Variants in NTRK2 observed in about 807,000 individuals in gnomAD.
NTRK2 encodes the protein BDNF/NT-3 growth factors receptor.
In NTRK2, 13 loss-of-function variants were observed where a neutral mutation model predicts 94.5. That is an observed-to-expected ratio of 0.14 (90% CI 0.09 to 0.22). The LOEUF (loss-of-function observed/expected upper bound fraction) is 0.22, where lower values mean the gene tolerates loss of function less well. Among genes scored for constraint, NTRK2 ranks in the 10% least tolerant of loss-of-function variants. The pLI is 1.00. For missense variants in NTRK2, 639 were observed against 1,071.2 expected (o/e 0.60, Z 5.63); for synonymous variants, 372 against 407.4 (o/e 0.91, Z 1.05).
intron 12 of NTRK2, among the ~76,000 whole-genome samples, chr9:84,841,806 G>A (rs2074202879): frequency 6.6e-6 from 1 of 152,156 alleles, no homozygotes; most frequent in Non-Finnish European, 1.5e-5. Context: ...TACATTCACG[G>A]CAGAAATTTT....
intron 12 of NTRK2, chr9:84,812,912 A>G: frequency 9.7e-7 from 1 of 1,033,384 alleles, no homozygotes; most frequent in Non-Finnish European, 1.2e-6. Flanking sequence ...TGAAAACAGC[A>G]GGCTATTAGA....
rs2077765900 is a variant in NTRK2, at chr9:84,926,117, CCTTCCTTCCT to C, written c.1634-8044_1634-8035del. 1.4e-4 allele frequency among the ~76,000 whole-genome samples: 6 copies of C among 41,648 alleles called. No individual in the cohort carries two copies. The South Asian group carries it at 4.9e-3, about 34-fold the overall frequency. The allele number at this position is 41,648 out of a possible 152,430, so 27.3% of individuals were successfully genotyped here. On this transcript the variant is annotated intron_variant, in intron 14 of 18. Coordinates refer to ENST00000277120, the MANE Select transcript of NTRK2 (RefSeq NM_006180.6). Reference sequence around the variant, plus strand: ...CCTTCCTTCCTTCCTTTCCTTCCTTCCTTCCTTCCTTCCTTCCTTCCTTCCTTCCTTCCTT... The same window carrying C: ...CCTTCCTTCCTTCCTTTCCTTCCTTCTCCTTCCTTCCTTCCTTCCTTCCTT...
At chr9:84,776,301 A>C (rs2067038459) in intron 12 of NTRK2, among the ~76,000 whole-genome samples, 1 of 152,162 alleles carries the variant, frequency 6.6e-6, no homozygotes, top group South Asian at 2.1e-4. Context: ...AGCTCACTGC[A>C]ACCTCTGCCT....
chr9:84,853,162 G>A (rs1427417863), intron 12 of NTRK2, among the ~76,000 whole-genome samples: 1 of 152,116 alleles, frequency 6.6e-6, no homozygotes, highest in Non-Finnish European at 1.5e-5. Flanking sequence ...GCTCAGGAAA[G>A]CTATATAAGG....
intron 14 of NTRK2, among the ~76,000 whole-genome samples, chr9:84,898,762 G>T (rs1483526609): frequency 6.6e-6 from 1 of 151,790 alleles, no homozygotes; most frequent in Non-Finnish European, 1.5e-5. Flanking sequence ...GAGTGCAATG[G>T]TGCAATCTTG....
intron 17 of NTRK2, among the ~76,000 whole-genome samples, chr9:84,975,221 TC>T (rs948972280): frequency 2.0e-5 from 3 of 152,034 alleles, no homozygotes; most frequent in African/African-American, 7.2e-5. Flanking sequence ...TTTTCCCCCC[TC>T]TTTCCCAAAA....
intron 14 of NTRK2, among the ~76,000 whole-genome samples, chr9:84,902,257 C>T (rs573671958): frequency 2.0e-5 from 3 of 151,424 alleles, no homozygotes; most frequent in African/African-American, 7.3e-5. Context: ...TGGTGTTTTC[C>T]ACTTTAGGGA....
intron 2 of NTRK2, among the ~76,000 whole-genome samples, chr9:84,686,729 A>C (rs2059738866): frequency 6.6e-6 from 1 of 152,190 alleles, no homozygotes. Flanking sequence ...GATCCTATGA[A>C]TGTTTCATGG....
chr9:84,751,858 A>G lies in NTRK2; in HGVS notation c.1297-128A>G, dbSNP rs367702553. On this transcript the variant is annotated intron_variant, in intron 11 of 18. Transcript: ENST00000277120. ...AGTTGGTGTACATAAGGCTGTTATA[A>G]GAACAAGTGGTAAGCATTCAATAAA... 13 of 760,870 alleles carry G rather than the reference A, an allele frequency of 1.7e-5. No homozygotes were observed. The African/African-American group carries it at 1.9e-4, about 11-fold the overall frequency. 47.1% of individuals were successfully genotyped at this position (760,870 alleles called of 1,614,324 possible).
In NTRK2 at chr9:84,937,756, A is replaced by G. The variant is rs4877890; in HGVS notation, c.1764+3464A>G. ...AACTGAGTTACTTTACCTTTAAGTA[A>G]GTCAATTGCCAAGGAAACGCTTCAT... On this transcript the variant is annotated intron_variant, in intron 15 of 18. Transcript: ENST00000277120. 8.8e-3 allele frequency among the ~76,000 whole-genome samples: 1,338 copies of G among 152,342 alleles called. 14 individuals carry two copies. Among genetic ancestry groups the G allele is most frequent in the Admixed American group, 0.018 (270 of 15,306 alleles).
At chr9:84,829,661 CAGTG>C (rs1383123968) in intron 12 of NTRK2, among the ~76,000 whole-genome samples, 4 of 152,164 alleles carry the variant, frequency 2.6e-5, no homozygotes, top group South Asian at 2.1e-4. Context: ...GGAGAGGACA[CAGTG>C]AGAGAATCCC....
chr9:84,717,978 T>G (rs1011624741), intron 6 of NTRK2, among the ~76,000 whole-genome samples: 1 of 152,102 alleles, frequency 6.6e-6, no homozygotes, highest in Non-Finnish European at 1.5e-5. Context: ...ATCCAGAGCT[T>G]CTTACAGAGC....
At chr9:84,675,324 C>CTTTTTTTTTTTTT (rs536445167) in intron 2 of NTRK2, among the ~76,000 whole-genome samples, 29 of 67,328 alleles carry the variant, frequency 4.3e-4, no homozygotes, top group Non-Finnish European at 6.0e-4. Flanking sequence ...TCTTTCTTTC[C>CTTTTTTTTTTTTT]TTTTTTTTTT....
At chr9:84,938,235 G>A (rs1016311578) in intron 15 of NTRK2, among the ~76,000 whole-genome samples, 1 of 152,164 alleles carries the variant, frequency 6.6e-6, no homozygotes, top group African/African-American at 2.4e-5. Context: ...ATTCTTTCTT[G>A]TCAACAGAGA....
At chr9:84,937,782 C>T (rs1052428698) in intron 15 of NTRK2, among the ~76,000 whole-genome samples, 3 of 152,222 alleles carry the variant, frequency 2.0e-5, no homozygotes, top group Admixed American at 6.5e-5. Context: ...AACGCTTCAT[C>T]GCAGTTTCCC....
chr9:84,934,432 C>T, intron 15 of NTRK2, 140 bp downstream of exon 15: 1 of 932,990 alleles, frequency 1.1e-6, no homozygotes, highest in Non-Finnish European at 1.7e-6. Context: ...TTCCTTTAAA[C>T]TAAATGGACA....
intron 12 of NTRK2, among the ~76,000 whole-genome samples, chr9:84,829,730 C>T (rs895838269): frequency 1.3e-5 from 2 of 152,184 alleles, no homozygotes; most frequent in South Asian, 4.1e-4. Context: ...CAGATGCCTT[C>T]TGGGATTGTT....
rs56021326 is a variant in NTRK2, at chr9:84,944,215, T to TCACACACA, written c.1765-4216_1765-4209dup. On this transcript the variant is annotated intron_variant, in intron 15 of 18. Transcript: ENST00000277120. ...TGTTCTCTCTCTCTCTCTCTCTCTC[T>TCACACACA]CACACACACACACACACACACACAC... 4.5e-3 allele frequency among the ~76,000 whole-genome samples: 537 copies of TCACACACA among 120,324 alleles called. 3 individuals are homozygous for TCACACACA. The highest frequency in any genetic ancestry group is 9.4e-3 in the South Asian group (35 of 3,736). 78.9% of individuals were successfully genotyped at this position (120,324 alleles called of 152,430 possible).
At chr9:84,762,422 A>G (rs964855886) in intron 12 of NTRK2, among the ~76,000 whole-genome samples, 2 of 152,216 alleles carry the variant, frequency 1.3e-5, no homozygotes, top group East Asian at 1.9e-4. Context: ...ATGTTTCTAT[A>G]TTGAAATGAC....
Sources: allele counts gnomAD v4.1 joint callset (sites outside exome capture counted in the v4.1 genomes callset), GRCh38; gene constraint gnomAD v4.1.1; transcripts MANE v1.5; gene names NCBI Gene and HGNC (gene_info 2026-07-23, HGNC 2026-07-21).